Variants in RRAS2 observed in about 807,000 individuals in gnomAD.
The protein encoded by RRAS2 is RAS related 2, also known as ras-related protein R-Ras2.
A neutral mutation model predicts 27.6 loss-of-function variants in RRAS2; 7 were observed. The observed-to-expected ratio is 0.25, with a 90% CI of 0.14 to 0.48. The LOEUF (loss-of-function observed/expected upper bound fraction) is 0.48. Ranked by LOEUF, RRAS2 falls within the 20% of genes least tolerant of loss-of-function variation. RRAS2 has a pLI of 0.99. For missense variants in RRAS2, 178 were observed against 256.2 expected, an observed-to-expected ratio of 0.69 and a Z score of 2.08; for synonymous variants, 86 against 90.9, an observed-to-expected ratio of 0.95 and a Z score of 0.31.
intron 2 of RRAS2, among the ~76,000 whole-genome samples, chr11:14,295,350 G>A (rs966023713): frequency 1.3e-5 from 2 of 152,156 alleles, no homozygotes; most frequent in African/African-American, 2.4e-5. Context: ...TTGTGGAGAG[G>A]GGGGATGTTT....
intron 1 of RRAS2, chr11:14,341,931 C>A: frequency 2.2e-6 from 1 of 447,534 alleles, no homozygotes; most frequent in South Asian, 1.6e-5. Flanking sequence ...AATTTGGTAT[C>A]TGTCATTCTC....
chr11:14,290,024 A>ACTAAACATCT (rs539678767), intron 4 of RRAS2, among the ~76,000 whole-genome samples: 138 of 152,364 alleles, frequency 9.1e-4, no homozygotes, highest in African/African-American at 3.0e-3. Flanking sequence ...ATGACAAAAA[A>ACTAAACATCT]CTAAACATCT....
intron 1 of RRAS2, among the ~76,000 whole-genome samples, chr11:14,313,316 T>A (rs1034144084): frequency 5.3e-5 from 8 of 152,156 alleles, no homozygotes; most frequent in Admixed American, 4.6e-4. Context: ...GTAAACCACA[T>A]GAAAAGAAAG....
At chr11:14,308,714 C>T (rs2915407) in intron 1 of RRAS2, among the ~76,000 whole-genome samples, 106,533 of 152,032 alleles carry the variant, frequency 0.7, 38,173 homozygotes, top group Admixed American at 0.78. Context: ...AGCTGAGAGA[C>T]ACTTTCAAGA....
At chr11:14,352,752 TATATAGAGAGAGAG>T (rs1848983564) in intron 1 of RRAS2, among the ~76,000 whole-genome samples, 2 of 127,110 alleles carry the variant, frequency 1.6e-5, no homozygotes, top group Non-Finnish European at 3.4e-5. Context: ...AAAATATATA[TATATAGAGAGAGAG>T]AGAGAGAGAG....
intron 1 of RRAS2, among the ~76,000 whole-genome samples, chr11:14,325,092 G>A (rs1267490372): frequency 6.6e-6 from 1 of 152,126 alleles, no homozygotes; most frequent in Non-Finnish European, 1.5e-5. Flanking sequence ...TACCTCACCT[G>A]GAATGGTAAT....
In RRAS2 at chr11:14,278,008, T is replaced by C. The variant is rs561492946; in HGVS notation, c.*1329A>G. ...ACTTCATGGGACTGTTGTACACACT[T>C]GATAAAGTGACAACTGTGCAATACC... On this transcript the variant is annotated 3_prime_UTR_variant, in exon 6 of 6. Coordinates refer to ENST00000256196, the MANE Select transcript of RRAS2 (RefSeq NM_012250.6). The C allele has an allele frequency of 2.0e-5, 3 of 152,362 alleles. No homozygotes were observed. Among genetic ancestry groups the C allele is most frequent in the Admixed American group, 2.0e-4 (3 of 15,298 alleles). The allele number at this position is 152,362 out of a possible 1,614,324, so 9.4% of individuals were successfully genotyped here. A position where few individuals can be genotyped will look rare whatever the true frequency, so the allele number is the denominator to read the frequency against.
intron 4 of RRAS2, among the ~76,000 whole-genome samples, chr11:14,294,130 T>G (rs1340649115): frequency 6.6e-6 from 1 of 152,336 alleles, no homozygotes; most frequent in East Asian, 1.9e-4. Flanking sequence ...AGTGGTAACT[T>G]TGAAATTATC....
chr11:14,314,628 A>C (rs1848053474), intron 1 of RRAS2, among the ~76,000 whole-genome samples: 1 of 152,230 alleles, frequency 6.6e-6, no homozygotes, highest in South Asian at 2.1e-4. Context: ...AATACTGAGA[A>C]TGAAAAATAG....
At chr11:14,293,344 T>C (rs1286619998) in intron 4 of RRAS2, among the ~76,000 whole-genome samples, 1 of 151,176 alleles carries the variant, frequency 6.6e-6, no homozygotes, top group Admixed American at 6.6e-5. Context: ...CAACATAATA[T>C]AAAAACAAGA....
rs782492074 is a variant in RRAS2, at chr11:14,294,801, G to A, written c.258C>T (p.Gly86=). The A allele has an allele frequency of 6.2e-6, 10 of 1,613,626 alleles. No individual in the cohort carries two copies. Among genetic ancestry groups the A allele is most frequent in the East Asian group, 2.2e-5 (1 of 44,844 alleles). ...CTGAAAAGACCAACAGGAAGCCTTC[G>A]CCAGTCCTCATATACTGTTCTCTCA... ...GAMREQYMRT[G]EGFLLVFSVT... is the part of the protein sequence containing the mutation. The change falls in exon 3 of 6, where the codon GGC becomes GGT. Residue 86 remains glycine, a synonymous_variant. Transcript: ENST00000256196.
intron 4 of RRAS2, among the ~76,000 whole-genome samples, chr11:14,284,516 G>A (rs145133460): frequency 3.9e-5 from 6 of 152,254 alleles, no homozygotes; most frequent in African/African-American, 1.2e-4. Flanking sequence ...GATATGTTGT[G>A]TTCAGTATTG....
chr11:14,354,776 A>G (rs1849038199), intron 1 of RRAS2, among the ~76,000 whole-genome samples: 1 of 146,692 alleles, frequency 6.8e-6, no homozygotes, highest in Non-Finnish European at 1.5e-5. Flanking sequence ...TCCCAGGTTC[A>G]AGTGATTCTC....
At chr11:14,320,455 C>T (rs1205356819) in intron 1 of RRAS2, among the ~76,000 whole-genome samples, 1 of 152,156 alleles carries the variant, frequency 6.6e-6, no homozygotes, top group African/African-American at 2.4e-5. Flanking sequence ...TAATGGATGT[C>T]TTAATTTAAG....
intron 1 of RRAS2, among the ~76,000 whole-genome samples, chr11:14,355,213 A>G (rs1849047403): frequency 6.6e-6 from 1 of 151,996 alleles, no homozygotes; most frequent in African/African-American, 2.4e-5. Context: ...GTTCAACCAA[A>G]CCCAACATTT....
intron 1 of RRAS2, among the ~76,000 whole-genome samples, chr11:14,345,896 T>C (rs566220542): frequency 9.8e-5 from 15 of 152,326 alleles, no homozygotes; most frequent in Admixed American, 9.8e-4. Context: ...TGACCAGCTC[T>C]TAACTTCCTA....
At chr11:14,292,654 T>C (rs1554945944) in intron 4 of RRAS2, among the ~76,000 whole-genome samples, 1 of 152,162 alleles carries the variant, frequency 6.6e-6, no homozygotes, top group East Asian at 1.9e-4. Flanking sequence ...AGCAATGCCA[T>C]ATTCTTAATT....
intron 1 of RRAS2, among the ~76,000 whole-genome samples, chr11:14,331,754 T>C (rs1848485795): frequency 7.0e-6 from 1 of 141,990 alleles, no homozygotes; most frequent in Non-Finnish European, 1.5e-5. Flanking sequence ...AAGGAACAAA[T>C]GAAAAGGCAA....
chr11:14,356,801 CTT>C (rs34757328), intron 1 of RRAS2: 17,324 of 352,360 alleles, frequency 0.049, 1 homozygote, highest in South Asian at 0.067. Context: ...GCAATTAATG[CTT>C]TTTTTTTTTT....
Sources: gnomAD v4.1 joint callset for allele counts (sites outside exome capture counted in the v4.1 genomes callset) on GRCh38, gnomAD v4.1.1 for gene constraint, MANE v1.5 for transcripts, NCBI Gene and HGNC (gene_info 2026-07-23, HGNC 2026-07-21) for gene names.